Variants in ABLIM1 observed in about 807,000 individuals in gnomAD.
ABLIM1 encodes actin-binding LIM protein 1.
Under a neutral mutation model 107.0 loss-of-function variants are expected in ABLIM1, and 40 were observed. That is an observed-to-expected ratio of 0.37 (90% CI 0.29 to 0.49). The LOEUF is 0.49. Ranked by LOEUF, ABLIM1 falls within the 20% of genes least tolerant of loss-of-function variation. ABLIM1 has a pLI of 0.97. For synonymous variants in ABLIM1, 357 were observed against 357.3 expected, an observed-to-expected ratio of 1.00 and a Z score of 0.01; for missense variants, 857 against 1,008.5, an observed-to-expected ratio of 0.85 and a Z score of 2.04.
chr10:114,737,282 G>A (rs1316134706), intron 1 of ABLIM1, among the ~76,000 whole-genome samples: 2 of 152,140 alleles, frequency 1.3e-5, no homozygotes, highest in Admixed American at 6.5e-5. Flanking sequence ...ACTCCAGCCT[G>A]GGCAACACAG....
the ABLIM1 span, among the ~76,000 whole-genome samples, chr10:114,776,840 A>T: frequency 5.9e-5 from 9 of 152,016 alleles, no homozygotes; most frequent in Non-Finnish European, 1.3e-4. Flanking sequence ...CTGATTTTGA[A>T]CTTCTGACCT....
chr10:114,652,534 G>C (rs1353565409), intron 1 of ABLIM1, among the ~76,000 whole-genome samples: 2 of 152,190 alleles, frequency 1.3e-5, no homozygotes, highest in African/African-American at 4.8e-5. Context: ...GCAGGTGCCT[G>C]AATCAGACAT....
intron 2 of ABLIM1, 31 bp downstream of exon 2, chr10:114,601,796 C>T (rs1386578965): frequency 1.2e-6 from 2 of 1,614,118 alleles, no homozygotes; most frequent in Non-Finnish European, 1.7e-6. Context: ...CCATGGCATG[C>T]CACTGAGCCA....
chr10:114,512,683 G>A (rs998418145), intron 6 of ABLIM1, among the ~76,000 whole-genome samples: 1 of 151,968 alleles, frequency 6.6e-6, no homozygotes, highest in African/African-American at 2.4e-5. Context: ...AAATTAGCTG[G>A]GTGTGGTGGT....
chr10:114,705,894 C>A (rs1402139948), intron 1 of ABLIM1, among the ~76,000 whole-genome samples: 1 of 152,158 alleles, frequency 6.6e-6, no homozygotes, highest in Non-Finnish European at 1.5e-5. Context: ...GAGTATGGAT[C>A]AAATTACTTG....
intron 1 of ABLIM1, among the ~76,000 whole-genome samples, chr10:114,756,382 G>C (rs1254197539): frequency 1.3e-5 from 2 of 151,728 alleles, no homozygotes; most frequent in African/African-American, 4.8e-5. Context: ...TTTGTTTTTG[G>C]ATTTCATATA....
chr10:114,768,174 C>G, upstream of ABLIM1: 1 of 213,732 alleles, frequency 4.7e-6, no homozygotes, highest in Non-Finnish European at 9.7e-6. Flanking sequence ...CGGCCCCCTC[C>G]GGCTCCCGGT....
chr10:114,584,018 G>A (rs1322791602), intron 2 of ABLIM1, among the ~76,000 whole-genome samples: 1 of 152,010 alleles, frequency 6.6e-6, no homozygotes, highest in East Asian at 1.9e-4. Context: ...TGGGTACTAT[G>A]CTTATTACCT....
chr10:114,611,658 T>C (rs759521698), intron 1 of ABLIM1, among the ~76,000 whole-genome samples: 1 of 152,216 alleles, frequency 6.6e-6, no homozygotes, highest in African/African-American at 2.4e-5. Flanking sequence ...AAAGAGGTAC[T>C]AGGATTATCA....
chr10:114,479,259 T>C (rs1161716139), intron 8 of ABLIM1, among the ~76,000 whole-genome samples: 2 of 152,188 alleles, frequency 1.3e-5, no homozygotes, highest in African/African-American at 2.4e-5. Flanking sequence ...GGGATTAGAC[T>C]AGGTTTCTCA....
intron 1 of ABLIM1, among the ~76,000 whole-genome samples, chr10:114,713,890 C>T (rs929207273): frequency 2.6e-5 from 4 of 152,130 alleles, no homozygotes; most frequent in Non-Finnish European, 5.9e-5. Flanking sequence ...TGAATGGCAA[C>T]GAAGAGGGAA....
At chr10:114,514,659 G>A (rs911316069) in intron 6 of ABLIM1, among the ~76,000 whole-genome samples, 4 of 152,146 alleles carry the variant, frequency 2.6e-5, no homozygotes, top group African/African-American at 7.2e-5. Flanking sequence ...GATTACAGGC[G>A]TGGCCACCAC....
At chr10:114,765,682 C>G (rs1289343335) in intron 1 of ABLIM1, among the ~76,000 whole-genome samples, 2 of 151,058 alleles carry the variant, frequency 1.3e-5, no homozygotes, top group Non-Finnish European at 2.9e-5. Flanking sequence ...AAGCACTCTA[C>G]TAATCTTTTA....
intron 10 of ABLIM1, 114 bp from the exon 11 acceptor site, chr10:114,468,330 A>C: frequency 3.0e-6 from 3 of 993,830 alleles, no homozygotes; most frequent in Non-Finnish European, 4.7e-6. Context: ...GCTGGAGTGC[A>C]GTGGCGCAAT....
intron 2 of ABLIM1, among the ~76,000 whole-genome samples, chr10:114,578,159 T>C (rs1216640031): frequency 6.6e-6 from 1 of 152,184 alleles, no homozygotes; most frequent in African/African-American, 2.4e-5. Context: ...ATGCGAGGGA[T>C]GATCAAATTA....
chr10:114,478,463 A>T (rs1183360852), intron 8 of ABLIM1, among the ~76,000 whole-genome samples: 1 of 152,116 alleles, frequency 6.6e-6, no homozygotes, highest in Non-Finnish European at 1.5e-5. Flanking sequence ...CCAGGGAGAG[A>T]GGTGATTGGA....
intron 4 of ABLIM1, among the ~76,000 whole-genome samples, chr10:114,556,443 C>A (rs2068739108): frequency 6.6e-6 from 1 of 152,182 alleles, no homozygotes; most frequent in East Asian, 1.9e-4. Flanking sequence ...TCCATCCCTC[C>A]ATAAGTGTGT....
At chr10:114,750,161 G>C (rs2082479558) in intron 1 of ABLIM1, among the ~76,000 whole-genome samples, 1 of 152,070 alleles carries the variant, frequency 6.6e-6, no homozygotes, top group South Asian at 2.1e-4. Flanking sequence ...AATGAATGTA[G>C]TAGGTGGTAG....
chr10:114,516,432 G>A (rs2062823453), intron 6 of ABLIM1, among the ~76,000 whole-genome samples: 1 of 152,114 alleles, frequency 6.6e-6, no homozygotes, highest in African/African-American at 2.4e-5. Context: ...GCTGAGGCAG[G>A]AGAACAGCTT....
Sources: gnomAD v4.1 joint callset for allele counts (sites outside exome capture counted in the v4.1 genomes callset) on GRCh38, gnomAD v4.1.1 for gene constraint, MANE v1.5 for transcripts, NCBI Gene and HGNC (gene_info 2026-07-23, HGNC 2026-07-21) for gene names.